DEPDC5: variants seen among roughly 807,000 people sequenced by gnomAD.
DEPDC5 encodes the protein DEP domain containing 5, GATOR1 subcomplex subunit.
Under a neutral mutation model 217.3 loss-of-function variants are expected in DEPDC5, and 73 were observed. That is an observed-to-expected ratio of 0.34 (90% CI 0.28 to 0.41). DEPDC5 has a LOEUF of 0.41. DEPDC5 is among the 10% of genes least tolerant of loss of function. The pLI, the probability that DEPDC5 is intolerant of heterozygous loss-of-function variation, is 1.00. For synonymous variants in DEPDC5, 733 were observed against 756.7 expected, an observed-to-expected ratio of 0.97 and a Z score of 0.51; for missense variants, 1,675 against 2,070.1, an observed-to-expected ratio of 0.81 and a Z score of 3.70.
intron 30 of DEPDC5, 22 bp downstream of exon 30, chr22:31,845,259 G>T (rs745522761): frequency 1.2e-6 from 2 of 1,604,380 alleles, no homozygotes; most frequent in East Asian, 2.3e-5. Flanking sequence ...TTAGACTCAG[G>T]GAGTGCGCCT....
At chr22:31,785,864 A>T (rs569441184) in intron 10 of DEPDC5, among the ~76,000 whole-genome samples, 1 of 152,328 alleles carries the variant, frequency 6.6e-6, no homozygotes, top group East Asian at 1.9e-4. Flanking sequence ...ATTCTCTTCA[A>T]CAAATTATTC....
intron 23 of DEPDC5, among the ~76,000 whole-genome samples, chr22:31,822,322 G>T (rs2089772492): frequency 6.6e-6 from 1 of 152,138 alleles, no homozygotes; most frequent in South Asian, 2.1e-4. Flanking sequence ...ATATGGGGAG[G>T]GCGTGACCTT....
chr22:31,765,098 T>A (rs1333509842), intron 5 of DEPDC5, 38 bp downstream of exon 5: 2 of 1,498,056 alleles, frequency 1.3e-6, no homozygotes, highest in Non-Finnish European at 1.9e-6. Context: ...CTTTTTGGAA[T>A]AAGCACCCTT....
At chr22:31,764,898 G>A in intron 4 of DEPDC5, 77 bp from the exon 5 acceptor site, 2 of 1,044,800 alleles carry the variant, frequency 1.9e-6, no homozygotes, top group Non-Finnish European at 3.0e-6. Flanking sequence ...TTACTGAGTT[G>A]AGTGTTTATA....
intron 23 of DEPDC5, 101 bp downstream of exon 23, chr22:31,821,738 C>T: frequency 1.3e-6 from 2 of 1,513,090 alleles, no homozygotes; most frequent in South Asian, 1.3e-5. Flanking sequence ...GTTTAGAAGA[C>T]TTGAAAAGAC....
At chr22:31,758,329 G>C (rs1455157542) in intron 2 of DEPDC5, among the ~76,000 whole-genome samples, 1 of 152,144 alleles carries the variant, frequency 6.6e-6, no homozygotes, top group African/African-American at 2.4e-5. Flanking sequence ...ACAGGGTATG[G>C]AGACAAAGGT....
chr22:31,835,239 A>G (rs1280925534), intron 25 of DEPDC5, among the ~76,000 whole-genome samples: 4 of 152,164 alleles, frequency 2.6e-5, no homozygotes, highest in African/African-American at 4.8e-5. Flanking sequence ...CAGATTGACT[A>G]TTTTCCAGAA....
At chr22:31,805,101 C>T (rs2148657849) in intron 17 of DEPDC5, 186 bp downstream of exon 17, 1 of 493,006 alleles carries the variant, frequency 2.0e-6, no homozygotes, top group East Asian at 3.7e-5. Flanking sequence ...TAGGAACAGT[C>T]TATGGTGAAA....
Position 31,906,341 on chromosome 22 carries a change from C to G in DEPDC5, c.4656C>G (p.Thr1552=). Residue 1552 remains threonine (T), a synonymous_variant, in exon 43 of 43, where the codon ACC becomes ACG. Transcript: ENST00000651528. The surrounding 1 kb of genome is among the most constrained non-coding windows in gnomAD (Gnocchi z 5.1). ...ERVGYNWAYN[T]MLTKTWRSSA... is the part of the protein sequence containing the mutation. ...TCGGCTACAACTGGGCCTACAACAC[C>G]ATGCTCACCAAAACATGGCGCTCCA... 6.2e-7 allele frequency: 1 copy of G among 1,614,066 alleles called. No homozygotes were observed. The highest frequency in any genetic ancestry group is 2.2e-5 in the East Asian group (1 of 44,894).
chr22:31,775,816 C>T (rs938458015), intron 7 of DEPDC5, among the ~76,000 whole-genome samples: 5 of 151,794 alleles, frequency 3.3e-5, no homozygotes, highest in Non-Finnish European at 7.4e-5. Flanking sequence ...CCAAGGCGGG[C>T]GGATCACAAG....
intron 8 of DEPDC5, among the ~76,000 whole-genome samples, chr22:31,779,967 C>A (rs2084261580): frequency 6.6e-6 from 1 of 152,128 alleles, no homozygotes; most frequent in South Asian, 2.1e-4. Context: ...ATCATGATGG[C>A]CAGATTTTAG....
rs755472604 is a variant in DEPDC5 at position 31,822,718 on chromosome 22, G to A, written c.2032G>A (p.Asp678Asn). The change falls in exon 24 of 43, where the codon GAC becomes AAC. Residue 678 changes from aspartate to asparagine, a missense_variant. Coordinates refer to ENST00000651528, the MANE Select transcript of DEPDC5 (RefSeq NM_001242896.3). ...GCACAGCAATTCCCGCCAGCCTGGT[G>A]ACGGCATGTCCTTCTTGAACTTCAG... The part of the protein sequence containing the change: ...GRHSNSRQPG[D>N]GMSFLNFSGT... 2 of 1,614,168 alleles carry A rather than the reference G, an allele frequency of 1.2e-6. No individual in the cohort carries two copies. Among genetic ancestry groups the A allele is most frequent in the Non-Finnish European group, 1.7e-6 (2 of 1,180,008 alleles).
At chr22:31,889,618 G>A (rs1051656706) in intron 38 of DEPDC5, among the ~76,000 whole-genome samples, 3 of 141,566 alleles carry the variant, frequency 2.1e-5, no homozygotes, top group African/African-American at 8.0e-5. Flanking sequence ...GGCGCTCACT[G>A]CAAGCTCCGC....
In DEPDC5 at chr22:31,837,364, T is replaced by TA. The variant is rs2091087715; in HGVS notation, c.2354+211dup. On this transcript the variant is annotated intron_variant, in intron 26 of 42. Coordinates refer to ENST00000651528, the MANE Select transcript of DEPDC5 (RefSeq NM_001242896.3). ...ATCTTTTTTTTTCCTTTTTTTTTTT[T>TA]AACTGAGAGAGGGTCTCACTCTGTC... 5 of 602,008 alleles carry TA rather than the reference T, an allele frequency of 8.3e-6. No homozygotes were observed. In the South Asian group the frequency reaches 1.2e-4, roughly 14 times the overall value. The allele number at this position is 602,008 out of a possible 1,614,324, so 37.3% of individuals were successfully genotyped here. A position where few individuals can be genotyped will look rare whatever the true frequency, so the allele number is the denominator to read the frequency against.
intron 24 of DEPDC5, among the ~76,000 whole-genome samples, chr22:31,827,970 G>A (rs1332093793): frequency 2.0e-5 from 3 of 152,056 alleles, no homozygotes; most frequent in Non-Finnish European, 2.9e-5. Flanking sequence ...TCGCTCTCTC[G>A]CTTCCTTCAG....
chr22:31,780,792 G>C (rs2084352263), intron 8 of DEPDC5, among the ~76,000 whole-genome samples: 1 of 152,218 alleles, frequency 6.6e-6, no homozygotes, highest in Admixed American at 6.5e-5. Context: ...TCACTGGACT[G>C]TGTGCGCCCT....
chr22:31,833,544 G>C (rs1046170650), intron 24 of DEPDC5, among the ~76,000 whole-genome samples: 5 of 152,198 alleles, frequency 3.3e-5, no homozygotes, highest in Non-Finnish European at 7.3e-5. Flanking sequence ...TTGGAGTGCA[G>C]TGGCACGATC....
chr22:31,856,025 A>G (rs1415321036), intron 31 of DEPDC5, among the ~76,000 whole-genome samples: 1 of 152,016 alleles, frequency 6.6e-6, no homozygotes, highest in African/African-American at 2.4e-5. Flanking sequence ...TGGGCACAAC[A>G]CCTGTGGGAG....
At chr22:31,885,487 AGG>A (rs1209149476) in intron 38 of DEPDC5, among the ~76,000 whole-genome samples, 1 of 152,106 alleles carries the variant, frequency 6.6e-6, no homozygotes, top group East Asian at 1.9e-4. Context: ...GCACTTTGGG[AGG>A]CCGAGGCGGG....
Sources: allele counts gnomAD v4.1 joint callset (sites outside exome capture counted in the v4.1 genomes callset), GRCh38; gene constraint gnomAD v4.1.1; non-coding constraint Gnocchi (gnomAD v3.1); transcripts MANE v1.5; gene names NCBI Gene and HGNC (gene_info 2026-07-23, HGNC 2026-07-21).